The following TRDN variants were observed in gnomAD, a reference collection of about 807,000 sequenced individuals.
The protein encoded by TRDN is triadin.
TRDN carries 161 observed loss-of-function variants against 149.7 expected under a neutral mutation model. The observed-to-expected ratio is 1.08, with a 90% CI of 0.95 to 1.23. The LOEUF (loss-of-function observed/expected upper bound fraction) is 1.23. TRDN is among the 50% of genes most tolerant of loss of function. The pLI is 0.00. For synonymous variants in TRDN, 294 were observed against 250.5 expected, an observed-to-expected ratio of 1.17 and a Z score of -1.64; for missense variants, 896 against 823.5, an observed-to-expected ratio of 1.09 and a Z score of -1.08.
intron 4 of TRDN, among the ~76,000 whole-genome samples, chr6:123,543,541 C>T (rs12212840): frequency 3.6e-4 from 55 of 152,102 alleles, no homozygotes; most frequent in Non-Finnish European, 6.9e-4. Flanking sequence ...CTAGGAGTTA[C>T]CCAGAAAGCA....
At chr6:123,620,691 G>A (rs2114709328) in intron 1 of TRDN, among the ~76,000 whole-genome samples, 1 of 152,204 alleles carries the variant, frequency 6.6e-6, no homozygotes. Flanking sequence ...AATAATTTCT[G>A]AGAGCTTAAG....
intron 20 of TRDN, 121 bp downstream of exon 20, chr6:123,366,014 A>G (rs1205329642): frequency 2.5e-6 from 2 of 811,560 alleles, no homozygotes; most frequent in African/African-American, 1.8e-5. Flanking sequence ...TTGTTTCTAT[A>G]TCAACGAACT....
chr6:123,295,108 C>A (rs931799927), intron 24 of TRDN, among the ~76,000 whole-genome samples: 15 of 152,080 alleles, frequency 9.9e-5, no homozygotes, highest in African/African-American at 3.6e-4. Context: ...AGGGCCAGGG[C>A]AAAAGCAGCT....
intron 22 of TRDN, among the ~76,000 whole-genome samples, chr6:123,335,347 T>C (rs1326406780): frequency 6.6e-6 from 1 of 151,858 alleles, no homozygotes; most frequent in Non-Finnish European, 1.5e-5. Flanking sequence ...GAGAAAATAG[T>C]AGATAATTTT....
chr6:123,521,403 C>T (rs190852272), intron 5 of TRDN, among the ~76,000 whole-genome samples: 1 of 151,980 alleles, frequency 6.6e-6, no homozygotes, highest in African/African-American at 2.4e-5. Flanking sequence ...AGAGGGAATG[C>T]ATATCCTGTG....
rs1407579201 is a variant in TRDN at position 123,218,361 on chromosome 6, T to C, written c.*240A>G. 4.8e-5 allele frequency: 20 copies of C among 413,670 alleles called. No individual in the cohort carries two copies. Among genetic ancestry groups the C allele is most frequent in the Non-Finnish European group, 8.7e-5 (20 of 230,252 alleles). The allele number at this position is 413,670 out of a possible 1,614,324, so 25.6% of individuals were successfully genotyped here. On this transcript the variant is annotated 3_prime_UTR_variant, in exon 41 of 41. Transcript: ENST00000334268. ...TTATAGTGACTGGAAATAAGATAAA[T>C]ACAAGCACCCCCTCCCACCGCAGCA... is the stretch of plus-strand genomic sequence containing the variant.
At chr6:123,262,108 T>C (rs985933209) in intron 33 of TRDN, among the ~76,000 whole-genome samples, 2 of 152,036 alleles carry the variant, frequency 1.3e-5, no homozygotes, top group African/African-American at 4.8e-5. Context: ...TATTGTTGCA[T>C]ATTTACTATT....
chr6:123,351,121 C>T (rs899707514), intron 21 of TRDN: 1 of 984,664 alleles, frequency 1.0e-6, no homozygotes, highest in African/African-American at 1.7e-5. Flanking sequence ...GTAATCAGCA[C>T]TTTTATACTA....
rs935578580 is a variant in TRDN, at chr6:123,577,709, T to C, written c.23-6577A>G. On this transcript the variant is annotated intron_variant, in intron 1 of 40. Transcript: ENST00000334268. ...GTTCTGTTTTTAGTTCTTTGAGGAA[T>C]CACCATACTGCTTTCCACAATAGTT... Among the ~76,000 whole-genome samples, 4 of 152,200 alleles carry C rather than the reference T, an allele frequency of 2.6e-5. No homozygotes were observed. The East Asian group carries it at 7.7e-4, about 29-fold the overall frequency.
At chr6:123,435,088 T>G (rs1255658893) in intron 12 of TRDN, among the ~76,000 whole-genome samples, 1 of 150,502 alleles carries the variant, frequency 6.6e-6, no homozygotes, top group Non-Finnish European at 1.5e-5. Flanking sequence ...TAAAATAAAA[T>G]AATAATATAA....
intron 12 of TRDN, among the ~76,000 whole-genome samples, chr6:123,420,477 T>G (rs1001780271): frequency 6.6e-6 from 1 of 152,280 alleles, no homozygotes; most frequent in South Asian, 2.1e-4. Flanking sequence ...AGAGGATTAA[T>G]AGGTTTTATC....
In TRDN at chr6:123,217,329, G is replaced by A. The variant is rs1224981516; in HGVS notation, c.*1272C>T. 6.6e-6 allele frequency: 1 copy of A among 151,930 alleles called. No homozygotes were observed. Among genetic ancestry groups the A allele is most frequent in the East Asian group, 1.9e-4 (1 of 5,156 alleles). 9.4% of individuals were successfully genotyped at this position (151,930 alleles called of 1,614,324 possible). A position where few individuals can be genotyped will look rare whatever the true frequency, so the allele number is the denominator to read the frequency against. ...AAATCACTTGGCTAGTATTGGCTCT[G>A]GCTATCTCAGGCCTTGCTGATGGTA... On this transcript the variant is annotated 3_prime_UTR_variant, in exon 41 of 41. Transcript: ENST00000334268.
rs574387491 is a variant in TRDN at position 123,224,897 on chromosome 6, G to A, written c.1976-766C>T. Among the ~76,000 whole-genome samples the A allele has an allele frequency of 5.9e-5, 9 of 151,730 alleles. No homozygotes were observed. The South Asian group carries it at 1.7e-3, about 28-fold the overall frequency. ...ATAGGCAACAAAAGCAAAAATAAAC[G>A]ATTGGAACTATATCACACTAAAATG... On this transcript the variant is annotated intron_variant, in intron 38 of 40. Transcript: ENST00000334268.
intron 5 of TRDN, chr6:123,528,552 G>A: frequency 1.3e-6 from 1 of 777,978 alleles, no homozygotes; most frequent in African/African-American, 1.9e-5. Flanking sequence ...TTCAAATACT[G>A]TATCTTTTCT....
At chr6:123,405,829 A>C (rs1773171320) in intron 12 of TRDN, among the ~76,000 whole-genome samples, 2 of 152,284 alleles carry the variant, frequency 1.3e-5, no homozygotes, top group South Asian at 4.1e-4. Context: ...TGGGTACCTA[A>C]TCCAATACTT....
chr6:123,316,636 C>T (rs1252770146), intron 23 of TRDN, 141 bp from the exon 24 acceptor site: 1 of 572,122 alleles, frequency 1.7e-6, no homozygotes, highest in South Asian at 2.7e-5. Context: ...TAGTTATATA[C>T]TGTTATCAAA....
At chr6:123,341,631 G>A (rs1272138512) in intron 21 of TRDN, among the ~76,000 whole-genome samples, 1 of 151,808 alleles carries the variant, frequency 6.6e-6, no homozygotes, top group Non-Finnish European at 1.5e-5. Context: ...CGTGAAGACT[G>A]TGGGAAGATA....
chr6:123,523,537 G>A (rs943096879), intron 5 of TRDN, among the ~76,000 whole-genome samples: 2 of 152,166 alleles, frequency 1.3e-5, no homozygotes, highest in African/African-American at 4.8e-5. Context: ...AAGCCCGTAA[G>A]TGACTGGATT....
chr6:123,278,267 A>G, intron 26 of TRDN, 51 bp downstream of exon 26: 2 of 1,187,510 alleles, frequency 1.7e-6, no homozygotes, highest in South Asian at 1.5e-5. Context: ...ATATTGTGCT[A>G]TTTATTCTAA....
Sources: gnomAD v4.1 joint callset for allele counts (sites outside exome capture counted in the v4.1 genomes callset) on GRCh38, gnomAD v4.1.1 for gene constraint, MANE v1.5 for transcripts, NCBI Gene and HGNC (gene_info 2026-07-23, HGNC 2026-07-21) for gene names.